ADGRA2: variants seen among roughly 807,000 people sequenced by gnomAD.
ADGRA2 encodes G-protein coupled receptor 124.
In ADGRA2, 61 loss-of-function variants were observed where a neutral mutation model predicts 98.7. The ratio of observed to expected loss-of-function variants is 0.62; its 90% confidence interval spans 0.50 to 0.76. The LOEUF is 0.76. ADGRA2 is among the 30% of genes least tolerant of loss of function. ADGRA2 has a pLI of 0.00. For synonymous variants in ADGRA2, 858 were observed against 831.5 expected, an observed-to-expected ratio of 1.03 and a Z score of -0.55; for missense variants, 1,712 against 1,860.0, an observed-to-expected ratio of 0.92 and a Z score of 1.46.
At chr8:37,837,596 C>G in intron 13 of ADGRA2, 135 bp from the exon 14 acceptor site, 1 of 743,140 alleles carries the variant, frequency 1.3e-6, no homozygotes, top group Admixed American at 2.2e-5. Flanking sequence ...ACCGCATGCC[C>G]CCAGCCCAGC....
At position 37,838,950 on chromosome 8, in the gene ADGRA2, T is replaced by G. The variant is rs1344470200; in HGVS notation, c.2260-6T>G. The G allele has an allele frequency of 6.4e-7, 1 of 1,559,564 alleles. No homozygotes were observed. The highest frequency in any genetic ancestry group is 1.2e-5 in the South Asian group (1 of 81,266). On this transcript the variant is annotated splice_polypyrimidine_tract_variant and splice_region_variant and intron_variant, in intron 14 of 18. Coordinates refer to ENST00000412232, the MANE Select transcript of ADGRA2 (RefSeq NM_032777.10). ...TCCTCACGTCCTCCTTCCTGCCCTT[T>G]CCCAGGAGCTGAGCGCCTTTCCCAG...
chr8:37,841,209 C>T lies in ADGRA2; in HGVS notation c.2871C>T (p.Asn957=), dbSNP rs1252227318. Residue 957 remains asparagine, a synonymous_variant, in exon 19 of 19, where the codon AAC becomes AAT. Transcript: ENST00000412232. This position sits in a 1 kb window ranked among gnomAD's most constrained non-coding sequence, Gnocchi z 5.0. ...GCTTACGGGGTCCTCTGGCACAGAACCCCAAGGCGGGCAACAGCAGGGCCT... is the reference window on the plus strand; with the variant it reads ...GCTTACGGGGTCCTCTGGCACAGAATCCCAAGGCGGGCAACAGCAGGGCCT... ...GLRLRGPLAQ[N]PKAGNSRASL... is the part of the protein sequence containing the mutation. The T allele has an allele frequency of 9.3e-6, 15 of 1,613,504 alleles. No individual in the cohort carries two copies. Among genetic ancestry groups the T allele is most frequent in the Non-Finnish European group, 1.3e-5 (15 of 1,180,030 alleles).
intron 9 of ADGRA2, 68 bp downstream of exon 9, chr8:37,833,276 A>C: frequency 1.1e-5 from 14 of 1,250,762 alleles, no homozygotes; most frequent in African/African-American, 1.5e-5. Flanking sequence ...AGCCAACCTA[A>C]CGGGCAAGGG....
chr8:37,815,400 G>A (rs935600223), intron 2 of ADGRA2, among the ~76,000 whole-genome samples: 2 of 152,242 alleles, frequency 1.3e-5, no homozygotes, highest in African/African-American at 4.8e-5. Context: ...GGCTGAGGGT[G>A]GGGAAGTCCG....
chr8:37,826,679 C>A (rs1031074750), intron 2 of ADGRA2, among the ~76,000 whole-genome samples: 1 of 152,182 alleles, frequency 6.6e-6, no homozygotes, highest in Non-Finnish European at 1.5e-5. Flanking sequence ...CACAAACAGG[C>A]CCCCTGGTGG....
chr8:37,804,835 C>T (rs1482936910), intron 1 of ADGRA2, among the ~76,000 whole-genome samples: 2 of 152,228 alleles, frequency 1.3e-5, no homozygotes, highest in African/African-American at 4.8e-5. Context: ...GGGGCTCCCC[C>T]GACCCCATAA....
chr8:37,843,796 C>A lies in ADGRA2; in HGVS notation c.*1441C>A, dbSNP rs962418568. The A allele has an allele frequency of 6.6e-6, 1 of 152,556 alleles. No homozygotes were observed. The highest frequency in any genetic ancestry group is 1.5e-5 in the Non-Finnish European group (1 of 68,040). 9.5% of individuals were successfully genotyped at this position (152,556 alleles called of 1,614,324 possible). A position where few individuals can be genotyped will look rare whatever the true frequency, so the allele number is the denominator to read the frequency against. ...ACATATGCTGGCTGCTGTTTACACACCCTGCCAATGCCTTAGCACTGGAGA... is the reference window on the plus strand; with the variant it reads ...ACATATGCTGGCTGCTGTTTACACAACCTGCCAATGCCTTAGCACTGGAGA... On this transcript the variant is annotated 3_prime_UTR_variant, in exon 19 of 19. Coordinates refer to ENST00000412232, the MANE Select transcript of ADGRA2 (RefSeq NM_032777.10).
chr8:37,833,257 G>A (rs1343365507), intron 9 of ADGRA2, 49 bp downstream of exon 9: 1 of 1,435,996 alleles, frequency 7.0e-7, no homozygotes, highest in Admixed American at 2.1e-5. Context: ...GGGGCACAGG[G>A]AAGGGAGAAG....
Position 37,830,609 on chromosome 8 carries a change from G to GGCC in ADGRA2, c.719-100_719-98dup. On this transcript the variant is annotated intron_variant, in intron 6 of 18. Coordinates refer to ENST00000412232, the MANE Select transcript of ADGRA2 (RefSeq NM_032777.10). This position sits in a 1 kb window ranked among gnomAD's most constrained non-coding sequence, Gnocchi z 4.8. ...CAGCTGGAGCAGGCTGCAGGCCGAG[G>GGCC]GCCCCGCCCCGCCCCACCCCATCCT... 2 of 613,320 alleles carry GGCC rather than the reference G, an allele frequency of 3.3e-6. No individual in the cohort carries two copies. Among genetic ancestry groups the GGCC allele is most frequent in the East Asian group, 3.0e-5 (1 of 33,244 alleles). The allele number at this position is 613,320 out of a possible 1,614,324, so 38.0% of individuals were successfully genotyped here.
chr8:37,840,680 T>G (rs963716311), intron 17 of ADGRA2, 80 bp from the exon 18 acceptor site: 13 of 787,108 alleles, frequency 1.7e-5, no homozygotes, highest in Middle Eastern at 2.3e-4. Context: ...GACAGAAACA[T>G]CAAGCAAAGG....
rs1349776647 is a variant in ADGRA2 at position 37,835,671 on chromosome 8, G to T, written c.1951G>T (p.Gly651Cys). 3.1e-6 allele frequency: 5 copies of T among 1,613,710 alleles called. No individual in the cohort carries two copies. The highest frequency in any genetic ancestry group is 4.2e-6 in the Non-Finnish European group (5 of 1,179,966). Reference protein sequence around the residue: ...CTLQLLVFRNGRLFHSHSNTS... With the variant: ...CTLQLLVFRNCRLFHSHSNTS... Reference sequence around the variant, plus strand: ...CCTGCAACTGCTCGTCTTCCGAAATGGCCGCCTCTTCCACAGCCACAGCAA... The same window carrying T: ...CCTGCAACTGCTCGTCTTCCGAAATTGCCGCCTCTTCCACAGCCACAGCAA... The change falls in exon 13 of 19, where the codon GGC becomes TGC. Residue 651 changes from glycine to cysteine, a missense_variant. Transcript: ENST00000412232.
Position 37,839,123 on chromosome 8 carries a change from A to C in ADGRA2, c.2387+40A>C, listed in dbSNP as rs761150858. 3 of 1,608,774 alleles carry C rather than the reference A, an allele frequency of 1.9e-6. No individual in the cohort carries two copies. In the South Asian group the frequency reaches 3.3e-5, roughly 18 times the overall value. ...AGGAGGGAGGGCGTGGTGGGCAGGCATGGAAGGGGCCCCTACCCTGTCCAC... is the reference window on the plus strand; with the variant it reads ...AGGAGGGAGGGCGTGGTGGGCAGGCCTGGAAGGGGCCCCTACCCTGTCCAC... On this transcript the variant is annotated intron_variant, in intron 15 of 18. Transcript: ENST00000412232.
intron 14 of ADGRA2, 40 bp from the exon 15 acceptor site, chr8:37,838,916 T>G: frequency 6.6e-7 from 1 of 1,525,804 alleles, no homozygotes; most frequent in Non-Finnish European, 8.8e-7. Flanking sequence ...CCTGGCGAGG[T>G]GTCCACATTC....
chr8:37,834,030 C>A lies in ADGRA2; in HGVS notation c.1510C>A (p.Leu504Met), dbSNP rs1805537387. 6.2e-7 allele frequency: 1 copy of A among 1,612,900 alleles called. No homozygotes were observed. Among genetic ancestry groups the A allele is most frequent in the African/African-American group, 1.3e-5 (1 of 74,946 alleles). ...GCTGGTGGACGAGCACCTGCTGTGG[C>A]TGGCCCAGCGCGAGGACAAGGCCTG... ...LMLVDEHLLW[L>M]AQREDKACSR... Residue 504 changes from leucine (L) to methionine (M), a missense_variant, in exon 11 of 19, where the codon CTG becomes ATG. Coordinates refer to ENST00000412232, the MANE Select transcript of ADGRA2 (RefSeq NM_032777.10). This position sits in a 1 kb window ranked among gnomAD's most constrained non-coding sequence, Gnocchi z 4.2.
rs535372014 is a variant in ADGRA2, at chr8:37,802,357, C to T, written c.266+4823C>T. ...CCCTTCTCTTCCACCAGCTTTCCCCCATATGGTTCTCATAAGGTCTGGGCG... is the reference window on the plus strand; with the variant it reads ...CCCTTCTCTTCCACCAGCTTTCCCCTATATGGTTCTCATAAGGTCTGGGCG... On this transcript the variant is annotated intron_variant, in intron 1 of 18. Transcript: ENST00000412232. The surrounding 1 kb of genome is among the most constrained non-coding windows in gnomAD (Gnocchi z 4.7). Among the ~76,000 whole-genome samples the T allele has an allele frequency of 5.9e-5, 9 of 152,324 alleles. No homozygotes were observed. The East Asian group carries it at 1.7e-3, about 29-fold the overall frequency.
chr8:37,809,134 A>T (rs916347325), intron 1 of ADGRA2, among the ~76,000 whole-genome samples: 5 of 149,610 alleles, frequency 3.3e-5, no homozygotes, highest in Admixed American at 6.7e-5. Context: ...CTACAAAAAC[A>T]TTTTTTTTTT....
chr8:37,824,249 T>G (rs1195182648), intron 2 of ADGRA2, among the ~76,000 whole-genome samples: 1 of 152,022 alleles, frequency 6.6e-6, no homozygotes, highest in Non-Finnish European at 1.5e-5. Context: ...CAGGCTGGTC[T>G]CGAACTCCTG....
chr8:37,828,944 G>A lies in ADGRA2; in HGVS notation c.395G>A (p.Gly132Glu), dbSNP rs370700069. Residue 132 changes from glycine to glutamate, a missense_variant, in exon 3 of 19, where the codon GGG becomes GAG. Gly to Glu is a moderately conservative substitution (Grantham distance 98). Coordinates refer to ENST00000412232, the MANE Select transcript of ADGRA2 (RefSeq NM_032777.10). ...CAGCCGGGCGCCTTCCTGGGCCTGG[G>A]GGAGCTGAAGCGTTTGTGAGTGGCA... ...TVQPGAFLGL[G>E]ELKRLDLSNN... 5 of 1,578,258 alleles carry A rather than the reference G, an allele frequency of 3.2e-6. No individual in the cohort carries two copies. The highest frequency in any genetic ancestry group is 4.3e-6 in the Non-Finnish European group (5 of 1,165,246).
chr8:37,812,024 C>T (rs1804845364), intron 1 of ADGRA2, among the ~76,000 whole-genome samples: 1 of 151,820 alleles, frequency 6.6e-6, no homozygotes, highest in Non-Finnish European at 1.5e-5. Context: ...ATCACTTGAA[C>T]CCGAGAGGCG....
Sources: gnomAD v4.1 joint callset for allele counts (sites outside exome capture counted in the v4.1 genomes callset) on GRCh38, gnomAD v4.1.1 for gene constraint, Gnocchi (gnomAD v3.1) non-coding constraint, MANE v1.5 for transcripts, NCBI Gene and HGNC (gene_info 2026-07-23, HGNC 2026-07-21) for gene names.